PARP12: variants seen among roughly 807,000 people sequenced by gnomAD.
The protein encoded by PARP12 is protein mono-ADP-ribosyltransferase PARP12.
A neutral mutation model predicts 72.4 loss-of-function variants in PARP12; 59 were observed. The ratio of observed to expected loss-of-function variants is 0.81; its 90% CI spans 0.66 to 1.01. The LOEUF is 1.01. Ranked by LOEUF, PARP12 falls within the 50% of genes least tolerant of loss-of-function variation. The pLI is 0.00. For synonymous variants in PARP12, 403 were observed against 371.4 expected (o/e 1.09, Z -0.98); for missense variants, 851 against 914.0 (o/e 0.93, Z 0.89).
chr7:140,062,484 G>A lies in PARP12; in HGVS notation c.326+38C>T, dbSNP rs1171422896. The A allele has an allele frequency of 1.7e-5, 26 of 1,505,716 alleles. 1 individual carries two copies. The Admixed American group carries it at 3.8e-4, about 22-fold the overall frequency. 93.3% of individuals were successfully genotyped at this position (1,505,716 alleles called of 1,614,324 possible). A position where few individuals can be genotyped will look rare whatever the true frequency, so the allele number is the denominator to read the frequency against. On this transcript the variant is annotated intron_variant, in intron 1 of 11. Coordinates refer to ENST00000263549, the MANE Select transcript of PARP12 (RefSeq NM_022750.4). Reference sequence around the variant, plus strand: ...GCTGGAAGTGCGTGAGGGCGCGCAGGACCTCCGCCCGCCGTCGCTCCCGGC... The same window carrying A: ...GCTGGAAGTGCGTGAGGGCGCGCAGAACCTCCGCCCGCCGTCGCTCCCGGC...
chr7:140,035,038 T>G (rs1415230358), intron 7 of PARP12, among the ~76,000 whole-genome samples: 1 of 152,212 alleles, frequency 6.6e-6, no homozygotes, highest in Admixed American at 6.5e-5. Flanking sequence ...GCCTCCCAAG[T>G]AGCTGGGACT....
chr7:140,027,746 A>G (rs1349578545), intron 9 of PARP12: 1 of 206,050 alleles, frequency 4.9e-6, no homozygotes, highest in Non-Finnish European at 1.0e-5. Flanking sequence ...ATGTTTGCAA[A>G]TTGTAGTCAC....
chr7:140,050,303 C>T (rs116850107), intron 4 of PARP12, among the ~76,000 whole-genome samples: 2,542 of 152,280 alleles, frequency 0.017, 33 homozygotes, highest in Non-Finnish European at 0.027. Context: ...CAGAGGCACT[C>T]CCTTCCCCTA....
chr7:140,032,072 G>C (rs1815959375), intron 8 of PARP12, among the ~76,000 whole-genome samples: 1 of 152,010 alleles, frequency 6.6e-6, no homozygotes, highest in Admixed American at 6.6e-5. Flanking sequence ...TAGAAAAATG[G>C]ATAAAAAGAC....
chr7:140,042,774 G>A (rs1585098039), intron 5 of PARP12, among the ~76,000 whole-genome samples: 1 of 152,320 alleles, frequency 6.6e-6, no homozygotes, highest in Non-Finnish European at 1.5e-5. Context: ...AACCACTCAA[G>A]CCTCACAGAA....
intron 6 of PARP12, chr7:140,038,421 CCA>C: frequency 3.6e-6 from 2 of 553,046 alleles, no homozygotes; most frequent in Non-Finnish European, 4.6e-6. Flanking sequence ...ATTCTGGCTC[CCA>C]AACCTGCTGG....
At chr7:140,054,231 C>CA (rs1458523280) in intron 4 of PARP12, among the ~76,000 whole-genome samples, 1 of 152,158 alleles carries the variant, frequency 6.6e-6, no homozygotes, top group African/African-American at 2.4e-5. Flanking sequence ...CCAATTTAAA[C>CA]AACTACTCAT....
In PARP12 at chr7:140,034,322, T is replaced by C. The variant is rs541526269; in HGVS notation, c.1334A>G (p.Gln445Arg). 1.2e-6 allele frequency: 2 copies of C among 1,610,854 alleles called. No individual in the cohort carries two copies. Among genetic ancestry groups the C allele is most frequent in the Non-Finnish European group, 1.7e-6 (2 of 1,178,278 alleles). The part of the protein sequence containing the change: ...NYELDFKAFV[Q>R]KNLVYGTTKK... ...AGTTGTGCCATAGACCAGGTTTTTC[T>C]GAACGAAGGCTGAAAAAAAACATAA... The change falls in exon 8 of 12, where the codon CAG (glutamine) becomes CGG (arginine). Residue 445 changes from glutamine (Q) to arginine (R), a missense_variant. Transcript: ENST00000263549.
chr7:140,035,078 T>G (rs1188412095), intron 7 of PARP12, among the ~76,000 whole-genome samples: 1 of 152,190 alleles, frequency 6.6e-6, no homozygotes, highest in Non-Finnish European at 1.5e-5. Context: ...CCCAACTAAT[T>G]TTGTTTTCAT....
chr7:140,032,707 G>A (rs1216622678), intron 8 of PARP12, among the ~76,000 whole-genome samples: 1 of 152,088 alleles, frequency 6.6e-6, no homozygotes, highest in African/African-American at 2.4e-5. Flanking sequence ...AACAAAAAAG[G>A]GTATAGAACA....
chr7:140,035,880 A>AGGG (rs1554512479), intron 7 of PARP12, among the ~76,000 whole-genome samples: 6 of 88,682 alleles, frequency 6.8e-5, no homozygotes, highest in African/African-American at 4.1e-4. Context: ...GAAGAGGAGG[A>AGGG]GGAAGAGGAA....
Position 140,028,600 on chromosome 7 carries a change from A to G in PARP12, c.1497+13T>C, listed in dbSNP as rs193269234. 3.0e-4 allele frequency: 472 copies of G among 1,574,808 alleles called. 1 individual carries two copies. In the East Asian group the frequency reaches 0.01, roughly 35 times the overall value. On this transcript the variant is annotated intron_variant, in intron 9 of 11. Transcript: ENST00000263549. ...CACCTTCCTGTCCAGCCCCAGGCGC[A>G]TGCGTCCCCTACCTGAAAGCCTGGG...
At position 140,062,757 on chromosome 7, in the gene PARP12, G is replaced by C. The variant is rs754885962; in HGVS notation, c.91C>G (p.Arg31Gly). Residue 31 changes from arginine (R) to glycine (G), a missense_variant, in exon 1 of 12, where the codon CGG becomes GGG. Arg to Gly is a moderately radical substitution (Grantham distance 125, BLOSUM62 -2). Transcript: ENST00000263549. The part of the protein sequence containing the change: ...LELPELRRRL[R>G]MGLSADALER... ...AGCGCGTCGGCGCTCAAGCCCATCC[G>C]CAAGCGGCGCCGCAGCTCGGGCAAC... 12 of 1,386,426 alleles carry C rather than the reference G, an allele frequency of 8.7e-6. No individual in the cohort carries two copies. In the East Asian group the frequency reaches 3.0e-4, roughly 35 times the overall value. The allele number at this position is 1,386,426 out of a possible 1,614,324, so 85.9% of individuals were successfully genotyped here. A position where few individuals can be genotyped will look rare whatever the true frequency, so the allele number is the denominator to read the frequency against.
chr7:140,040,394 G>A (rs1362965442), intron 6 of PARP12, among the ~76,000 whole-genome samples: 1 of 152,200 alleles, frequency 6.6e-6, no homozygotes, highest in Non-Finnish European at 1.5e-5. Context: ...GGCTGGTGCT[G>A]GCAAGAGGGG....
rs79393347 is a variant in PARP12, at chr7:140,040,644, C to T, written c.1182+1000G>A. 2.6e-4 allele frequency among the ~76,000 whole-genome samples: 39 copies of T among 152,342 alleles called. No individual in the cohort carries two copies. In the East Asian group the frequency reaches 7.3e-3, roughly 29 times the overall value. ...TTAGAGCATCACCAGAGTTAAAGGG[C>T]ATTCTGAGTGCAGTTAAGAATAAGA... On this transcript the variant is annotated intron_variant, in intron 6 of 11. Transcript: ENST00000263549.
At chr7:140,028,246 T>C (rs6945612) in intron 9 of PARP12, among the ~76,000 whole-genome samples, 49,691 of 151,994 alleles carry the variant, frequency 0.33, 9,835 homozygotes, top group East Asian at 0.57. Context: ...CCATTCCAAA[T>C]GTCCATCGGA....
chr7:140,053,915 T>G (rs1433615371), intron 4 of PARP12, among the ~76,000 whole-genome samples: 1 of 152,238 alleles, frequency 6.6e-6, no homozygotes, highest in Non-Finnish European at 1.5e-5. Flanking sequence ...TGTTTACCTT[T>G]GGGCAAAGAC....
chr7:140,047,133 G>T, intron 4 of PARP12, 126 bp from the exon 5 acceptor site: 2 of 1,085,410 alleles, frequency 1.8e-6, no homozygotes, highest in Non-Finnish European at 2.5e-6. Context: ...GGTGGAGTCT[G>T]TTTTTTCAGT....
chr7:140,053,618 T>C (rs1817055922), intron 4 of PARP12, among the ~76,000 whole-genome samples: 1 of 152,178 alleles, frequency 6.6e-6, no homozygotes, highest in South Asian at 2.1e-4. Context: ...AGAATACACA[T>C]ATATATGTGT....
Sources: allele counts gnomAD v4.1 joint callset (sites outside exome capture counted in the v4.1 genomes callset), GRCh38; gene constraint gnomAD v4.1.1; transcripts MANE v1.5; gene names NCBI Gene and HGNC (gene_info 2026-07-23, HGNC 2026-07-21).